The following CSMD3 variants were observed in gnomAD, a reference collection of about 807,000 sequenced individuals.
CSMD3 encodes CUB and sushi domain-containing protein 3.
Under a neutral mutation model 435.2 loss-of-function variants are expected in CSMD3, and 177 were observed. The ratio of observed to expected loss-of-function variants is 0.41; its 90% CI spans 0.36 to 0.46. The LOEUF (loss-of-function observed/expected upper bound fraction) is 0.46. Ranked by LOEUF, CSMD3 falls within the 20% of genes least tolerant of loss-of-function variation. The pLI, the probability that CSMD3 is intolerant of heterozygous loss-of-function variation, is 0.34. For synonymous variants in CSMD3, 1,656 were observed against 1,520.5 expected (o/e 1.09, Z -2.07); for missense variants, 4,265 against 4,504.6 (o/e 0.95, Z 1.52).
intron 32 of CSMD3, among the ~76,000 whole-genome samples, chr8:112,451,637 C>T (rs1816286885): frequency 6.6e-6 from 1 of 151,910 alleles, no homozygotes; most frequent in African/African-American, 2.4e-5. Flanking sequence ...CTCCCGGGTT[C>T]AAGCGATTGT....
At chr8:112,701,635 C>A (rs1185209088) in intron 13 of CSMD3, among the ~76,000 whole-genome samples, 1 of 152,076 alleles carries the variant, frequency 6.6e-6, no homozygotes, top group Non-Finnish European at 1.5e-5. Flanking sequence ...TTTGGCCCAC[C>A]AAAGTTCCAC....
At chr8:112,775,717 T>C (rs1563948617) in intron 13 of CSMD3, among the ~76,000 whole-genome samples, 1 of 151,924 alleles carries the variant, frequency 6.6e-6, no homozygotes, top group Non-Finnish European at 1.5e-5. Context: ...ATGGATCTAC[T>C]TAACCCACTT....
intron 1 of CSMD3, among the ~76,000 whole-genome samples, chr8:113,384,049 T>C (rs1464672745): frequency 6.6e-6 from 1 of 152,182 alleles, no homozygotes; most frequent in African/African-American, 2.4e-5. Flanking sequence ...TAGGGTGTGT[T>C]CATCTTACCT....
intron 10 of CSMD3, among the ~76,000 whole-genome samples, chr8:112,915,347 A>C (rs2082542794): frequency 6.6e-6 from 1 of 151,650 alleles, no homozygotes; most frequent in African/African-American, 2.4e-5. Flanking sequence ...AGCTCATTTT[A>C]TCCCCATTAA....
At chr8:112,705,010 G>C (rs1288510175) in intron 13 of CSMD3, among the ~76,000 whole-genome samples, 1 of 152,058 alleles carries the variant, frequency 6.6e-6, no homozygotes, top group Admixed American at 6.6e-5. Context: ...GTTAAGGCTA[G>C]TCTCATCAAC....
chr8:112,336,288 T>G (rs1824546586), intron 44 of CSMD3, among the ~76,000 whole-genome samples: 1 of 152,306 alleles, frequency 6.6e-6, no homozygotes, highest in Non-Finnish European at 1.5e-5. Flanking sequence ...AATCCACTAG[T>G]TATATTAAAT....
chr8:112,984,174 C>T (rs770710051), intron 6 of CSMD3, among the ~76,000 whole-genome samples: 1 of 151,648 alleles, frequency 6.6e-6, no homozygotes, highest in Non-Finnish European at 1.5e-5. Flanking sequence ...TGGGGTATTA[C>T]ATATAATTAT....
At chr8:112,335,913 T>A (rs1187845621) in intron 44 of CSMD3, among the ~76,000 whole-genome samples, 1 of 151,976 alleles carries the variant, frequency 6.6e-6, no homozygotes, top group African/African-American at 2.4e-5. Flanking sequence ...AATACATTTT[T>A]ATTTATTTAT....
chr8:113,163,313 G>GA (rs1447823920), intron 4 of CSMD3, among the ~76,000 whole-genome samples: 2 of 150,782 alleles, frequency 1.3e-5, no homozygotes, highest in Non-Finnish European at 3.0e-5. Context: ...CCGTTGTTTA[G>GA]AAAAAAAAAT....
chr8:112,594,848 A>C (rs1365776137), intron 22 of CSMD3, among the ~76,000 whole-genome samples: 1 of 151,968 alleles, frequency 6.6e-6, no homozygotes, highest in Non-Finnish European at 1.5e-5. Context: ...GGACATCCAC[A>C]CCAAAAACCC....
At chr8:112,711,515 T>A (rs754176602) in intron 13 of CSMD3, among the ~76,000 whole-genome samples, 1 of 152,116 alleles carries the variant, frequency 6.6e-6, no homozygotes, top group Non-Finnish European at 1.5e-5. Context: ...GCATCTAATA[T>A]GCTATTTTAT....
chr8:113,405,169 T>C (rs562506531), intron 1 of CSMD3, among the ~76,000 whole-genome samples: 36 of 151,576 alleles, frequency 2.4e-4, no homozygotes, highest in Non-Finnish European at 4.4e-4. Context: ...TTGTCATATA[T>C]GTATCCTGAT....
intron 9 of CSMD3, among the ~76,000 whole-genome samples, chr8:112,929,556 T>G (rs2083036880): frequency 6.6e-6 from 1 of 152,044 alleles, no homozygotes; most frequent in African/African-American, 2.4e-5. Context: ...TATATAACAC[T>G]CAATAGGTCA....
intron 65 of CSMD3, among the ~76,000 whole-genome samples, chr8:112,242,349 T>C (rs1176387753): frequency 6.6e-6 from 1 of 152,088 alleles, no homozygotes; most frequent in Admixed American, 6.6e-5. Context: ...CATGAATGCC[T>C]TGTAAACTAT....
chr8:112,253,996 A>AT (rs1188011509), intron 63 of CSMD3, among the ~76,000 whole-genome samples: 1 of 151,400 alleles, frequency 6.6e-6, no homozygotes. Flanking sequence ...ATGCTTATGG[A>AT]TTTTTCCTAT....
intron 4 of CSMD3, among the ~76,000 whole-genome samples, chr8:113,105,605 G>C (rs191520974): frequency 1.3e-5 from 2 of 152,276 alleles, no homozygotes; most frequent in Admixed American, 1.3e-4. Flanking sequence ...GCTGAGATTT[G>C]TTCAGGTACC....
chr8:113,176,504 C>T (rs1268700631), intron 3 of CSMD3, among the ~76,000 whole-genome samples: 1 of 152,072 alleles, frequency 6.6e-6, no homozygotes, highest in African/African-American at 2.4e-5. Context: ...TGAACATTCT[C>T]TTCTTACTCT....
chr8:112,307,278 A>T (rs1336334781), intron 50 of CSMD3, among the ~76,000 whole-genome samples: 1 of 151,866 alleles, frequency 6.6e-6, no homozygotes, highest in African/African-American at 2.4e-5. Flanking sequence ...GCGTACCACC[A>T]TACTTGGCCA....
intron 5 of CSMD3, among the ~76,000 whole-genome samples, chr8:113,039,759 T>C (rs1231223743): frequency 6.6e-6 from 1 of 152,198 alleles, no homozygotes; most frequent in African/African-American, 2.4e-5. Flanking sequence ...GGCCAGATAG[T>C]TGGCAACAAA....
Sources: gnomAD v4.1 joint callset for allele counts (sites outside exome capture counted in the v4.1 genomes callset) on GRCh38, gnomAD v4.1.1 for gene constraint, MANE v1.5 for transcripts, NCBI Gene and HGNC (gene_info 2026-07-23, HGNC 2026-07-21) for gene names.